CLCN5: variants seen among roughly 807,000 people sequenced by gnomAD.
CLCN5 encodes the protein H(+)/Cl(-) exchange transporter 5.
Under a neutral mutation model 54.0 loss-of-function variants are expected in CLCN5, and 17 were observed. The observed-to-expected ratio is 0.31, with a 90% CI of 0.22 to 0.47. CLCN5 has a LOEUF of 0.47. CLCN5 is among the 20% of genes least tolerant of loss of function. The pLI is 1.00. For synonymous variants in CLCN5, 222 were observed against 233.0 expected (o/e 0.95, Z 0.43); for missense variants, 448 against 646.7 (o/e 0.69, Z 3.33).
chrX:49,925,089 C>T lies in CLCN5; in HGVS notation c.-128-82C>T, dbSNP rs58926770. ...CCTGCATATCTTTGAAAGAGAGGTTCAGAGAGGAGCAGGAGATAATTTTCA... is the reference window on the plus strand; with the variant it reads ...CCTGCATATCTTTGAAAGAGAGGTTTAGAGAGGAGCAGGAGATAATTTTCA... On this transcript the variant is annotated intron_variant, in intron 2 of 14. Coordinates refer to ENST00000376091, the MANE Select transcript of CLCN5 (RefSeq NM_001127898.4). 5.3e-3 allele frequency: 2,396 copies of T among 455,888 alleles called. 37 individuals carry two copies. Among genetic ancestry groups the T allele is most frequent in the African/African-American group, 0.05 (2,050 of 40,952 alleles). The allele number at this position is 455,888 out of a possible 1,213,427, so 37.6% of individuals were successfully genotyped here.
At chrX:50,012,155 CAG>C (rs1176307936) in intron 3 of CLCN5, among the ~76,000 whole-genome samples, 7 of 111,312 alleles carry the variant, frequency 6.3e-5, no homozygotes, top group African/African-American at 2.0e-4. Context: ...ACGTATGTAG[CAG>C]AGAGTGAGTC....
At chrX:49,970,777 A>G (rs1303750522) in intron 3 of CLCN5, among the ~76,000 whole-genome samples, 1 of 111,607 alleles carries the variant, frequency 9.0e-6, no homozygotes, top group Non-Finnish European at 1.9e-5. Flanking sequence ...CTATATACCT[A>G]GGACTGGAAT....
chrX:50,084,256 C>T (rs1933812721), intron 9 of CLCN5, among the ~76,000 whole-genome samples: 1 of 112,262 alleles, frequency 8.9e-6, no homozygotes, highest in South Asian at 3.7e-4. Context: ...TGCATCTAAA[C>T]ATAGAAAAAG....
At position 50,042,361 on chromosome X, in the gene CLCN5, TC is replaced by T. The variant is rs1557187267; in HGVS notation, c.64del (p.Gln22ArgfsTer9). On this transcript the variant is annotated frameshift_variant, in exon 4 of 15. Coordinates refer to ENST00000376091, the MANE Select transcript of CLCN5 (RefSeq NM_001127898.4). LOFTEE classifies it high-confidence loss of function. Reference sequence around the variant, plus strand: ...TTTCAGCAGGGGAGTTTTAGTAGCTTCCAGAACAGCTCCAGTGATGAAGACC... The same window carrying T: ...TTTCAGCAGGGGAGTTTTAGTAGCTTCAGAACAGCTCCAGTGATGAAGACC... ...RGFQQGSFSS[F>X]QNSSSDEDLM... The T allele has an allele frequency of 2.5e-6, 3 of 1,179,897 alleles. No individual in the cohort carries two copies.
chrX:50,031,855 G>A (rs1798732760), intron 3 of CLCN5, among the ~76,000 whole-genome samples: 1 of 94,303 alleles, frequency 1.1e-5, no homozygotes, highest in Admixed American at 1.1e-4. Flanking sequence ...ATTTCCTAAT[G>A]CTATCCCTCC....
chrX:49,923,674 A>G (rs1179147541), intron 2 of CLCN5, 192 bp downstream of exon 2: 2 of 112,264 alleles, frequency 1.8e-5, no homozygotes, highest in African/African-American at 6.5e-5. Context: ...GCAAATCAAA[A>G]CAGACTGTCC....
At chrX:50,081,921 TGA>T (rs1557193260) in intron 9 of CLCN5, 74 bp downstream of exon 9, 3 of 942,724 alleles carry the variant, frequency 3.2e-6, no homozygotes, top group Non-Finnish European at 4.5e-6. Flanking sequence ...GGTGAGAATT[TGA>T]GAGTTCTACC....
At chrX:49,937,341 T>C (rs1926052648) in intron 3 of CLCN5, among the ~76,000 whole-genome samples, 1 of 112,110 alleles carries the variant, frequency 8.9e-6, no homozygotes, top group Non-Finnish European at 1.9e-5. Context: ...CACCTTTCTG[T>C]ACACTGCTCG....
chrX:50,005,237 G>T (rs1046491178), intron 3 of CLCN5, among the ~76,000 whole-genome samples: 1 of 111,539 alleles, frequency 9.0e-6, no homozygotes, highest in Admixed American at 9.6e-5. Context: ...AGTTGCATCT[G>T]GAAGCCTGAT....
chrX:49,942,155 T>TGCCTCTC (rs1420618991), intron 3 of CLCN5, among the ~76,000 whole-genome samples: 1 of 71,523 alleles, frequency 1.4e-5, no homozygotes, highest in Non-Finnish European at 2.6e-5. Context: ...TAAATTAGAA[T>TGCCTCTC]GAATTCGAGT....
At chrX:50,073,996 A>T (rs1194281350) in intron 6 of CLCN5, among the ~76,000 whole-genome samples, 1 of 111,524 alleles carries the variant, frequency 9.0e-6, no homozygotes, top group Non-Finnish European at 1.9e-5. Context: ...GGAGCTGCCT[A>T]ATAATAGACT....
chrX:49,969,328 T>C (rs782158129), intron 3 of CLCN5, among the ~76,000 whole-genome samples: 10 of 112,411 alleles, frequency 8.9e-5, no homozygotes, highest in Non-Finnish European at 1.7e-4. Context: ...TCTGCCTGCC[T>C]CAGCCTCCCA....
chrX:50,030,587 G>A (rs181017680), intron 3 of CLCN5, among the ~76,000 whole-genome samples: 1 of 111,824 alleles, frequency 8.9e-6, no homozygotes. Flanking sequence ...TTGGCAACAA[G>A]AAGTATCATG....
chrX:49,931,808 C>T (rs1014295298), intron 3 of CLCN5, among the ~76,000 whole-genome samples: 2 of 105,883 alleles, frequency 1.9e-5, no homozygotes, highest in Admixed American at 1.0e-4. Context: ...CCCAGCTACT[C>T]GGGTGGCTGA....
chrX:50,003,819 G>T (rs782592275), intron 3 of CLCN5, among the ~76,000 whole-genome samples: 1 of 111,810 alleles, frequency 8.9e-6, no homozygotes, highest in Admixed American at 9.4e-5. Context: ...AGGAAGGGGG[G>T]TCTTTTGACC....
At position 50,097,115 on chromosome X, in the gene CLCN5, G is replaced by A. The variant is rs1422787189; in HGVS notation, c.*4896G>A. 2.7e-5 allele frequency: 3 copies of A among 112,315 alleles called. No homozygotes were observed. The highest frequency in any genetic ancestry group is 9.7e-5 in the African/African-American group (3 of 30,896). The allele number at this position is 112,315 out of a possible 1,213,427, so 9.3% of individuals were successfully genotyped here. On this transcript the variant is annotated 3_prime_UTR_variant, in exon 15 of 15. Transcript: ENST00000376091. ...GCTGTGTCAATTTGAAGTTCAATCAGTGTAGTTGTCCTGGGGTGATCGCTG... is the reference window on the plus strand; with the variant it reads ...GCTGTGTCAATTTGAAGTTCAATCAATGTAGTTGTCCTGGGGTGATCGCTG...
intron 3 of CLCN5, among the ~76,000 whole-genome samples, chrX:49,945,026 A>G (rs1400533349): frequency 2.7e-5 from 3 of 111,886 alleles, no homozygotes; most frequent in Non-Finnish European, 5.6e-5. Flanking sequence ...ACTGTTATTT[A>G]ACTTCTTTAT....
At chrX:50,066,574 A>G (rs782165527) in intron 4 of CLCN5, among the ~76,000 whole-genome samples, 1 of 112,056 alleles carries the variant, frequency 8.9e-6, no homozygotes, top group South Asian at 3.8e-4. Context: ...AATCCTCCCA[A>G]TTTAGGGAGT....
chrX:50,027,729 T>G (rs1168897919), intron 3 of CLCN5, among the ~76,000 whole-genome samples: 10 of 111,021 alleles, frequency 9.0e-5, no homozygotes, highest in Non-Finnish European at 1.5e-4. Context: ...GCAGTGTTTT[T>G]TTTTTTTTTT....
Sources: allele counts gnomAD v4.1 joint callset (sites outside exome capture counted in the v4.1 genomes callset), GRCh38; gene constraint gnomAD v4.1.1; transcripts MANE v1.5; gene names NCBI Gene and HGNC (gene_info 2026-07-23, HGNC 2026-07-21).